DNAI2: variants seen among roughly 807,000 people sequenced by gnomAD.
The protein encoded by DNAI2 is dynein axonemal intermediate chain 2.
Under a neutral mutation model 74.7 loss-of-function variants are expected in DNAI2, and 63 were observed. The ratio of observed to expected loss-of-function variants is 0.84; its 90% CI spans 0.69 to 1.04. The LOEUF is 1.04. Ranked by LOEUF, DNAI2 falls within the 50% of genes least tolerant of loss-of-function variation. DNAI2 has a pLI of 0.00. For synonymous variants in DNAI2, 289 were observed against 314.9 expected, an observed-to-expected ratio of 0.92 and a Z score of 0.87; for missense variants, 688 against 803.2, an observed-to-expected ratio of 0.86 and a Z score of 1.73.
intron 1 of DNAI2, among the ~76,000 whole-genome samples, chr17:74,274,993 C>T (rs2050978420): frequency 6.6e-6 from 1 of 152,178 alleles, no homozygotes; most frequent in Admixed American, 6.5e-5. Context: ...TATGTGTTTT[C>T]CTCTCGAATC....
chr17:74,309,869 C>T (rs1417289694), intron 10 of DNAI2, 148 bp from the exon 11 acceptor site: 18 of 1,040,610 alleles, frequency 1.7e-5, no homozygotes, highest in Non-Finnish European at 1.8e-5. Flanking sequence ...AACCAGTCTC[C>T]GAGTTTGAAC....
intron 11 of DNAI2, among the ~76,000 whole-genome samples, chr17:74,311,305 T>C (rs2053508686): frequency 6.6e-6 from 1 of 152,148 alleles, no homozygotes; most frequent in Non-Finnish European, 1.5e-5. Flanking sequence ...TGGGGAACAC[T>C]GTGGAACTGA....
intron 6 of DNAI2, among the ~76,000 whole-genome samples, chr17:74,298,916 G>T (rs993772411): frequency 6.6e-6 from 1 of 152,186 alleles, no homozygotes; most frequent in African/African-American, 2.4e-5. Context: ...GAGCCACTGT[G>T]CTTGGCTGAG....
At chr17:74,296,786 G>A (rs1050942217) in intron 6 of DNAI2, among the ~76,000 whole-genome samples, 9 of 152,148 alleles carry the variant, frequency 5.9e-5, no homozygotes, top group East Asian at 1.9e-4. Context: ...CTCTTGTGGC[G>A]CCAGGCTGCT....
At chr17:74,286,895 C>T (rs558123448) in intron 3 of DNAI2, 82 bp from the exon 4 acceptor site, 1 of 1,588,810 alleles carries the variant, frequency 6.3e-7, no homozygotes, top group East Asian at 2.2e-5. Flanking sequence ...TATGTCCTGT[C>T]CCTCCCAGAC....
At position 74,301,047 on chromosome 17, in the gene DNAI2, T is replaced by C. The variant is rs761883293; in HGVS notation, c.866T>C (p.Val289Ala). The change falls in exon 8 of 14, where the codon GTC (valine) becomes GCC (alanine). Residue 289 changes from valine (V) to alanine (A), a missense_variant and splice_region_variant. Physicochemically the swap from Val to Ala is moderately conservative, Grantham distance 64. Coordinates refer to ENST00000311014, the MANE Select transcript of DNAI2 (RefSeq NM_023036.6). ...ECFSASTDGQ[V>A]MWWDIRKMSE... ...CACTGTCGCCCCTCCTCCCACCAGG[T>C]CATGTGGTGGGACATCCGAAAGATG... 7.4e-6 allele frequency: 12 copies of C among 1,613,818 alleles called. No homozygotes were observed. The Middle Eastern group carries it at 6.6e-4, about 89-fold the overall frequency.
At chr17:74,299,379 T>C (rs958033564) in intron 6 of DNAI2, among the ~76,000 whole-genome samples, 1 of 152,132 alleles carries the variant, frequency 6.6e-6, no homozygotes, top group Admixed American at 6.6e-5. Flanking sequence ...CTCAGCTACC[T>C]GTCACTTCCT....
intron 6 of DNAI2, among the ~76,000 whole-genome samples, chr17:74,296,157 T>C (rs1416812826): frequency 6.6e-6 from 1 of 152,186 alleles, no homozygotes; most frequent in Non-Finnish European, 1.5e-5. Context: ...AGCTTTTCCT[T>C]TTACTTATTT....
rs998823799 is a variant in DNAI2, at chr17:74,314,797, G to A, written c.*264G>A. 31 of 171,162 alleles carry A rather than the reference G, an allele frequency of 1.8e-4. No individual in the cohort carries two copies. The highest frequency in any genetic ancestry group is 3.0e-3 in the Middle Eastern group (1 of 330). The allele number at this position is 171,162 out of a possible 1,614,324, so 10.6% of individuals were successfully genotyped here. On this transcript the variant is annotated 3_prime_UTR_variant, in exon 14 of 14. Transcript: ENST00000311014. ...AGCCTCCAAGTATGTGGGAGGGGAC[G>A]GGCGGGACGAGCTTGGCTGTTCTGC...
chr17:74,306,586 G>A (rs1415927592), intron 9 of DNAI2, among the ~76,000 whole-genome samples: 25 of 152,194 alleles, frequency 1.6e-4, no homozygotes, highest in Non-Finnish European at 4.4e-5. Flanking sequence ...AAATCTGGTT[G>A]CATCAGAATA....
At position 74,299,700 on chromosome 17, in the gene DNAI2, C is replaced by A. The variant is rs753634290; in HGVS notation, c.725-18C>A. 6.2e-7 allele frequency: 1 copy of A among 1,613,310 alleles called. No homozygotes were observed. The highest frequency in any genetic ancestry group is 8.5e-7 in the Non-Finnish European group (1 of 1,180,018). On this transcript the variant is annotated intron_variant, in intron 6 of 13. Transcript: ENST00000311014. ...CCTGTGCCCCCTTCCACTCCTTCTTCATCTCCTTCCTCACCAGCCTGCTGG... is the reference window on the plus strand; with the variant it reads ...CCTGTGCCCCCTTCCACTCCTTCTTAATCTCCTTCCTCACCAGCCTGCTGG...
intron 12 of DNAI2, 92 bp downstream of exon 12, chr17:74,312,322 C>A: frequency 9.6e-7 from 1 of 1,043,208 alleles, no homozygotes. Context: ...TCCTGGGTGA[C>A]CTTGAGCAAG....
At chr17:74,287,424 C>T (rs865867411) in intron 4 of DNAI2, among the ~76,000 whole-genome samples, 1 of 152,200 alleles carries the variant, frequency 6.6e-6, no homozygotes, top group Non-Finnish European at 1.5e-5. Context: ...AGGCCCCCGC[C>T]GCGGCCTGCA....
rs1051548332 is a variant in DNAI2, at chr17:74,305,535, A to T, written c.1211+93A>T. 11 of 1,183,178 alleles carry T rather than the reference A, an allele frequency of 9.3e-6. No individual in the cohort carries two copies. The East Asian group carries it at 2.8e-4, about 30-fold the overall frequency. The allele number at this position is 1,183,178 out of a possible 1,614,324, so 73.3% of individuals were successfully genotyped here. A position where few individuals can be genotyped will look rare whatever the true frequency, so the allele number is the denominator to read the frequency against. ...GCCCCGGAGAGTCCCGAGCCTCCAT[A>T]TGTAAAATGGAGAAAAACCTTTCCA... On this transcript the variant is annotated intron_variant, in intron 9 of 13. Transcript: ENST00000311014.
chr17:74,287,002 A>G lies in DNAI2; in HGVS notation c.371A>G (p.Asn124Ser). Residue 124 changes from asparagine to serine, a missense_variant, in exon 4 of 14, where the codon AAC (asparagine) becomes AGC (serine). Transcript: ENST00000311014. Reference protein sequence around the residue: ...GSIMEHCIKQNNAIDIYEEYF... With the variant: ...GSIMEHCIKQSNAIDIYEEYF... ...ATCATGGAGCACTGCATCAAGCAGA[A>G]CAATGCCATTGACATCTATGAAGAG... 1.2e-6 allele frequency: 2 copies of G among 1,613,920 alleles called. No homozygotes were observed. The highest frequency in any genetic ancestry group is 1.7e-6 in the Non-Finnish European group (2 of 1,179,838).
Position 74,314,223 on chromosome 17 carries a change from G to A in DNAI2, c.*7G>A. The A allele has an allele frequency of 6.2e-7, 1 of 1,614,056 alleles. No homozygotes were observed. Among genetic ancestry groups the A allele is most frequent in the Non-Finnish European group, 8.5e-7 (1 of 1,179,918 alleles). The stretch of plus-strand genomic sequence containing the variant: ...GGAAGAAGACTTAGCCTAGAAGTCA[G>A]CCTTCGACTGCGGCGCTATCCCTGT... On this transcript the variant is annotated 3_prime_UTR_variant, in exon 13 of 14. Transcript: ENST00000311014.
In DNAI2 at chr17:74,305,231, A is replaced by T; in HGVS notation, c.1000A>T (p.Met334Leu). 1.2e-6 allele frequency: 2 copies of T among 1,614,124 alleles called. No homozygotes were observed. Among genetic ancestry groups the T allele is most frequent in the Non-Finnish European group, 1.7e-6 (2 of 1,179,992 alleles). ...EFESTLPTKF[M>L]VGTEQGIVIS... ...ACTCCTTCCACAGCCCACCAAGTTC[A>T]TGGTGGGGACCGAGCAGGGCATCGT... Residue 334 changes from methionine to leucine, a missense_variant, in exon 9 of 14, where the codon ATG becomes TTG. By Grantham distance (15) the Met-to-Leu change is conservative. Coordinates refer to ENST00000311014, the MANE Select transcript of DNAI2 (RefSeq NM_023036.6).
At chr17:74,278,640 G>A (rs2051220912) in intron 1 of DNAI2, among the ~76,000 whole-genome samples, 1 of 152,122 alleles carries the variant, frequency 6.6e-6, no homozygotes, top group Admixed American at 6.6e-5. Flanking sequence ...GGCCGGGCAT[G>A]GTGGCGCATA....
Position 74,312,234 on chromosome 17 carries a change from G to A in DNAI2, c.1722+4G>A, listed in dbSNP as rs1432880387. 6.6e-7 allele frequency: 1 copy of A among 1,525,580 alleles called. No homozygotes were observed. The highest frequency in any genetic ancestry group is 1.2e-5 in the South Asian group (1 of 85,512). 94.5% of individuals were successfully genotyped at this position (1,525,580 alleles called of 1,614,324 possible). On this transcript the variant is annotated splice_donor_region_variant and intron_variant, in intron 12 of 13. Transcript: ENST00000311014. ...CATAAAGCTGACGCCAGTGCCTGTAGGGGCCTGGACAGGGGTTGGGTGGGT... is the reference window on the plus strand; with the variant it reads ...CATAAAGCTGACGCCAGTGCCTGTAAGGGCCTGGACAGGGGTTGGGTGGGT...
Sources: allele counts gnomAD v4.1 joint callset (sites outside exome capture counted in the v4.1 genomes callset), GRCh38; gene constraint gnomAD v4.1.1; transcripts MANE v1.5; gene names NCBI Gene and HGNC (gene_info 2026-07-23, HGNC 2026-07-21).